The following SECISBP2L variants were observed in gnomAD, a reference collection of about 807,000 sequenced individuals.
SECISBP2L encodes SECIS binding protein 2 like.
Under a neutral mutation model 114.7 loss-of-function variants are expected in SECISBP2L, and 43 were observed. That is an observed-to-expected ratio of 0.38 (90% confidence interval 0.29 to 0.48). The LOEUF (loss-of-function observed/expected upper bound fraction) is 0.48. SECISBP2L is among the 20% of genes least tolerant of loss of function. The pLI is 0.98. For synonymous variants in SECISBP2L, 451 were observed against 439.7 expected (o/e 1.03, Z -0.32); for missense variants, 1,136 against 1,301.1 (o/e 0.87, Z 1.95).
At chr15:49,010,632 C>T (rs1314933401) in intron 13 of SECISBP2L, among the ~76,000 whole-genome samples, 2 of 152,032 alleles carry the variant, frequency 1.3e-5, no homozygotes, top group Non-Finnish European at 2.9e-5. Flanking sequence ...CACTTCAGTC[C>T]CCCAAGTAGC....
intron 9 of SECISBP2L, 27 bp downstream of exon 9, chr15:49,017,521 T>C: frequency 7.2e-7 from 1 of 1,388,812 alleles, no homozygotes; most frequent in Non-Finnish European, 1.0e-6. Context: ...TGTTATATTT[T>C]GCTTTTCTTT....
intron 11 of SECISBP2L, among the ~76,000 whole-genome samples, chr15:49,015,581 G>C (rs1052203061): frequency 2.0e-5 from 3 of 152,080 alleles, no homozygotes; most frequent in Non-Finnish European, 4.4e-5. Context: ...TACCTTTCCT[G>C]TTCCTTTGTT....
rs201349253 is a variant in SECISBP2L, at chr15:49,037,582, A to G, written c.203+9T>C. On this transcript the variant is annotated intron_variant, in intron 2 of 17. Coordinates refer to ENST00000559471, the MANE Select transcript of SECISBP2L (RefSeq NM_001193489.2). Reference sequence around the variant, plus strand: ...CCCACAAAAAAGAAAATAAAAATAAACAAATTACCTATTGGACTGGTTTTC... The same window carrying G: ...CCCACAAAAAAGAAAATAAAAATAAGCAAATTACCTATTGGACTGGTTTTC... 600 of 1,608,732 alleles carry G rather than the reference A, an allele frequency of 3.7e-4. No individual in the cohort carries two copies. Among genetic ancestry groups the G allele is most frequent in the Non-Finnish European group, 5.0e-4 (584 of 1,178,598 alleles).
chr15:49,038,937 A>C (rs1168823810), intron 1 of SECISBP2L, among the ~76,000 whole-genome samples: 1 of 152,202 alleles, frequency 6.6e-6, no homozygotes, highest in Non-Finnish European at 1.5e-5. Context: ...ACATAGTTGT[A>C]AGAATAAATT....
At chr15:49,014,228 C>T (rs1441925863) in intron 11 of SECISBP2L, among the ~76,000 whole-genome samples, 3 of 152,166 alleles carry the variant, frequency 2.0e-5, no homozygotes, top group African/African-American at 2.4e-5. Context: ...AAATTCTATC[C>T]TTGCCTTCTG....
rs752466722 is a variant in SECISBP2L, at chr15:49,005,560, C to CTTTTTTT, written c.2027+3649_2027+3655dup. Among the ~76,000 whole-genome samples the CTTTTTTT allele has an allele frequency of 4.6e-4, 17 of 36,786 alleles. 1 individual carries two copies. Among genetic ancestry groups the CTTTTTTT allele is most frequent in the Non-Finnish European group, 6.7e-4 (13 of 19,526 alleles). 24.1% of individuals were successfully genotyped at this position (36,786 alleles called of 152,430 possible). A position where few individuals can be genotyped will look rare whatever the true frequency, so the allele number is the denominator to read the frequency against. On this transcript the variant is annotated intron_variant, in intron 14 of 17. Coordinates refer to ENST00000559471, the MANE Select transcript of SECISBP2L (RefSeq NM_001193489.2). The stretch of plus-strand genomic sequence containing the variant: ...TCAGAGACTAGAATTGCAACCCCTG[C>CTTTTTTT]TTTTTTTTTTTTTTTTTTTTTTTTT...
intron 13 of SECISBP2L, among the ~76,000 whole-genome samples, chr15:49,009,801 A>G (rs1902400579): frequency 6.6e-6 from 1 of 152,114 alleles, no homozygotes; most frequent in Non-Finnish European, 1.5e-5. Context: ...TACCTAAAAC[A>G]TGTGTTCCCA....
chr15:49,042,926 G>T (rs1232076997), intron 1 of SECISBP2L, among the ~76,000 whole-genome samples: 1 of 152,130 alleles, frequency 6.6e-6, no homozygotes, highest in African/African-American at 2.4e-5. Context: ...GCTTCAGGAG[G>T]CTGAGGCAGG....
chr15:49,046,151 C>T (rs899463730), intron 1 of SECISBP2L, 125 bp downstream of exon 1: 2 of 1,112,906 alleles, frequency 1.8e-6, no homozygotes, highest in African/African-American at 3.3e-5. Flanking sequence ...GCCAGGCTCC[C>T]AGGTGAGGGG....
chr15:48,999,202 G>T (rs375224864), intron 16 of SECISBP2L, among the ~76,000 whole-genome samples: 63 of 152,330 alleles, frequency 4.1e-4, no homozygotes, highest in African/African-American at 1.5e-3. Flanking sequence ...AAATAGTGTG[G>T]TTGGGAAAAG....
chr15:49,027,078 G>T lies in SECISBP2L; in HGVS notation c.1035+287C>A, dbSNP rs535090465. On this transcript the variant is annotated intron_variant, in intron 7 of 17. Coordinates refer to ENST00000559471, the MANE Select transcript of SECISBP2L (RefSeq NM_001193489.2). ...AAAATGCTTTTGAATTTTTATGTGG[G>T]AAAAAGACATGGCAAATGAAACAGG... Among the ~76,000 whole-genome samples, 4 of 152,234 alleles carry T rather than the reference G, an allele frequency of 2.6e-5. No individual in the cohort carries two copies. In the East Asian group the frequency reaches 7.7e-4, roughly 29 times the overall value.
Position 48,991,074 on chromosome 15 carries a change from C to T in SECISBP2L, c.*1170G>A, listed in dbSNP as rs948772904. 6.6e-6 allele frequency: 1 copy of T among 152,136 alleles called. No homozygotes were observed. Among genetic ancestry groups the T allele is most frequent in the African/African-American group, 2.4e-5 (1 of 41,426 alleles). 9.4% of individuals were successfully genotyped at this position (152,136 alleles called of 1,614,324 possible). On this transcript the variant is annotated 3_prime_UTR_variant, in exon 18 of 18. Coordinates refer to ENST00000559471, the MANE Select transcript of SECISBP2L (RefSeq NM_001193489.2). The stretch of plus-strand genomic sequence containing the variant: ...ATAATAGTGAATAGAGAATTAATAC[C>T]TACATATCTGTATACTCTAAATCAT...
At chr15:49,006,214 T>C (rs536741072) in intron 14 of SECISBP2L, among the ~76,000 whole-genome samples, 95 of 152,290 alleles carry the variant, frequency 6.2e-4, no homozygotes, top group Admixed American at 4.1e-3. Context: ...GTGAATCTGA[T>C]GCTTTGTCTC....
chr15:49,037,486 G>C (rs1390969035), intron 2 of SECISBP2L, 105 bp downstream of exon 2: 2 of 973,688 alleles, frequency 2.1e-6, no homozygotes, highest in Non-Finnish European at 3.0e-6. Context: ...CCTCTTAATA[G>C]AGAAATGGTT....
At chr15:49,031,222 A>G (rs4329864) in intron 4 of SECISBP2L, among the ~76,000 whole-genome samples, 1 of 150,888 alleles carries the variant, frequency 6.6e-6, no homozygotes, top group African/African-American at 2.4e-5. Context: ...TGATTTTTAT[A>G]TTTTTTAGTA....
chr15:48,999,109 T>A (rs1340380635), intron 16 of SECISBP2L, among the ~76,000 whole-genome samples: 1 of 152,128 alleles, frequency 6.6e-6, no homozygotes, highest in East Asian at 1.9e-4. Flanking sequence ...GGGTAGAGAA[T>A]TTCATGGGTG....
At chr15:49,016,193 C>A (rs1463812551) in intron 11 of SECISBP2L, among the ~76,000 whole-genome samples, 2 of 152,112 alleles carry the variant, frequency 1.3e-5, no homozygotes, top group African/African-American at 4.8e-5. Flanking sequence ...CCTTTTAACG[C>A]AGACAAGGGG....
chr15:49,044,236 T>C (rs910647399), intron 1 of SECISBP2L, among the ~76,000 whole-genome samples: 2 of 152,180 alleles, frequency 1.3e-5, no homozygotes, highest in African/African-American at 4.8e-5. Context: ...TCAATCTACC[T>C]AAATTCACTT....
chr15:49,007,626 G>T (rs1304892843), intron 14 of SECISBP2L, among the ~76,000 whole-genome samples: 1 of 152,160 alleles, frequency 6.6e-6, no homozygotes, highest in Non-Finnish European at 1.5e-5. Flanking sequence ...AATTCCTAAG[G>T]ATATAAACCA....
Sources: gnomAD v4.1 joint callset for allele counts (sites outside exome capture counted in the v4.1 genomes callset) on GRCh38, gnomAD v4.1.1 for gene constraint, MANE v1.5 for transcripts, NCBI Gene and HGNC (gene_info 2026-07-23, HGNC 2026-07-21) for gene names.